The following GPHN variants were observed in gnomAD, a reference collection of about 807,000 sequenced individuals.
The protein encoded by GPHN is gephyrin.
GPHN carries 17 observed loss-of-function variants against 95.5 expected under a neutral mutation model. That is an observed-to-expected ratio of 0.18 (90% CI 0.12 to 0.27). The LOEUF (loss-of-function observed/expected upper bound fraction) is 0.27. Ranked by LOEUF, GPHN falls within the 10% of genes least tolerant of loss-of-function variation. The pLI is 1.00. For missense variants in GPHN, 660 were observed against 978.1 expected (o/e 0.67, Z 4.34); for synonymous variants, 320 against 322.5 (o/e 0.99, Z 0.08).
At chr14:66,588,902 G>C (rs543578843) in intron 1 of GPHN, among the ~76,000 whole-genome samples, 1 of 152,168 alleles carries the variant, frequency 6.6e-6, no homozygotes, top group African/African-American at 2.4e-5. Context: ...GATACTACTA[G>C]AGAAGAGCAA....
At chr14:66,528,416 A>G (rs2058777295) in intron 1 of GPHN, among the ~76,000 whole-genome samples, 1 of 152,130 alleles carries the variant, frequency 6.6e-6, no homozygotes, top group African/African-American at 2.4e-5. Context: ...CTCTTTATCC[A>G]ATGTGGCAGT....
intron 1 of GPHN, among the ~76,000 whole-genome samples, chr14:66,620,662 G>T (rs1008406424): frequency 6.6e-6 from 1 of 152,118 alleles, no homozygotes; most frequent in African/African-American, 2.4e-5. Flanking sequence ...AACCATATCA[G>T]TCTATCTCTG....
At chr14:67,135,703 A>G (rs1002672347) in intron 17 of GPHN, among the ~76,000 whole-genome samples, 2 of 151,928 alleles carry the variant, frequency 1.3e-5, no homozygotes, top group African/African-American at 2.4e-5. Context: ...TTTTTTTTTA[A>G]ATCAATCTTG....
At chr14:67,164,209 C>T (rs1312497819) in intron 19 of GPHN, among the ~76,000 whole-genome samples, 1 of 131,224 alleles carries the variant, frequency 7.6e-6, no homozygotes, top group East Asian at 2.5e-4. Context: ...CGGGGGTTGC[C>T]GTGAGCTGAG....
intron 2 of GPHN, among the ~76,000 whole-genome samples, chr14:66,700,430 C>T (rs2068448913): frequency 6.6e-6 from 1 of 152,126 alleles, no homozygotes; most frequent in East Asian, 1.9e-4. Flanking sequence ...AACAGTAATA[C>T]ATGTACGCAT....
At chr14:67,295,775 T>A in the GPHN span, among the ~76,000 whole-genome samples, 1 of 152,230 alleles carries the variant, frequency 6.6e-6, no homozygotes, top group South Asian at 2.1e-4. Flanking sequence ...TATAAATTGA[T>A]ACTACCACTT....
intron 18 of GPHN, among the ~76,000 whole-genome samples, chr14:67,147,436 T>C (rs72717303): frequency 0.044 from 6,628 of 152,316 alleles, 187 homozygotes; most frequent in Middle Eastern, 0.065. Flanking sequence ...CCATAACCAA[T>C]AATATCAGAA....
chr14:67,555,127 A>G, the GPHN span, among the ~76,000 whole-genome samples: 1 of 152,188 alleles, frequency 6.6e-6, no homozygotes, highest in Non-Finnish European at 1.5e-5. Flanking sequence ...TATGTTGCCC[A>G]GGCTGGTCTT....
intron 1 of GPHN, among the ~76,000 whole-genome samples, chr14:66,528,825 A>G (rs1014783437): frequency 2.0e-5 from 3 of 152,134 alleles, no homozygotes; most frequent in African/African-American, 7.2e-5. Context: ...ATTTCTGCCG[A>G]GAGATCTGCT....
intron 1 of GPHN, among the ~76,000 whole-genome samples, chr14:66,667,759 A>G (rs547294413): frequency 7.2e-5 from 11 of 152,222 alleles, no homozygotes; most frequent in Non-Finnish European, 8.8e-5. Flanking sequence ...ATTTCATGAC[A>G]AAAGTGTCGA....
chr14:67,235,641 C>T, the GPHN span, among the ~76,000 whole-genome samples: 2 of 151,734 alleles, frequency 1.3e-5, no homozygotes, highest in Non-Finnish European at 2.9e-5. Context: ...CGTGAACCCA[C>T]GAGGCAGAGC....
chr14:66,916,318 G>A (rs1327415015), intron 6 of GPHN, among the ~76,000 whole-genome samples: 2 of 152,044 alleles, frequency 1.3e-5, no homozygotes, highest in Admixed American at 6.6e-5. Context: ...AAGAGAAGAA[G>A]TGCATAAGAC....
At chr14:66,970,209 G>T (rs1259595540) in intron 9 of GPHN, among the ~76,000 whole-genome samples, 2 of 150,700 alleles carry the variant, frequency 1.3e-5, no homozygotes, top group Non-Finnish European at 2.9e-5. Context: ...ATCTTTATAT[G>T]AGGGATATAT....
the GPHN span, among the ~76,000 whole-genome samples, chr14:67,667,473 C>T: frequency 6.6e-6 from 1 of 152,046 alleles, no homozygotes; most frequent in Admixed American, 6.6e-5. Context: ...CAAATAGGGA[C>T]TATAAGACTA....
At chr14:67,207,159 G>A in the GPHN span, among the ~76,000 whole-genome samples, 1 of 152,030 alleles carries the variant, frequency 6.6e-6, no homozygotes, top group African/African-American at 2.4e-5. Context: ...TTGTTGCATT[G>A]CTATAAAGAA....
At chr14:66,806,388 A>G (rs1392552533) in intron 3 of GPHN, among the ~76,000 whole-genome samples, 2 of 152,182 alleles carry the variant, frequency 1.3e-5, no homozygotes, top group Non-Finnish European at 2.9e-5. Flanking sequence ...GGGGATTAAC[A>G]TTCGGCTCCT....
intron 1 of GPHN, among the ~76,000 whole-genome samples, chr14:66,513,912 CT>C (rs2058140572): frequency 6.6e-6 from 1 of 151,816 alleles, no homozygotes; most frequent in Admixed American, 6.6e-5. Context: ...TTAACAGTAG[CT>C]TTGTCAGTAT....
chr14:67,605,561 C>T, the GPHN span, among the ~76,000 whole-genome samples: 3 of 152,074 alleles, frequency 2.0e-5, no homozygotes, highest in African/African-American at 7.2e-5. Flanking sequence ...TGGTATTTAC[C>T]TAACATCAAA....
chr14:67,147,715 A>G (rs2080983333), intron 18 of GPHN, among the ~76,000 whole-genome samples: 1 of 152,074 alleles, frequency 6.6e-6, no homozygotes, highest in Non-Finnish European at 1.5e-5. Context: ...AGTTTTAATC[A>G]GCGTTTCCTC....
Sources: allele counts gnomAD v4.1 joint callset (sites outside exome capture counted in the v4.1 genomes callset), GRCh38; gene constraint gnomAD v4.1.1; transcripts MANE v1.5; gene names NCBI Gene and HGNC (gene_info 2026-07-23, HGNC 2026-07-21).